Variants in PLEKHA5 observed in about 807,000 individuals in gnomAD.
PLEKHA5 encodes the protein pleckstrin homology domain-containing family A member 5.
A neutral mutation model predicts 181.9 loss-of-function variants in PLEKHA5; 55 were observed. That is an observed-to-expected ratio of 0.30 (90% confidence interval 0.24 to 0.38). PLEKHA5 has a LOEUF of 0.38. Ranked by LOEUF, PLEKHA5 falls within the 10% of genes least tolerant of loss-of-function variation. The pLI is 1.00. For missense variants in PLEKHA5, 1,432 were observed against 1,549.5 expected (o/e 0.92, Z 1.27); for synonymous variants, 535 against 529.4 (o/e 1.01, Z -0.15).
At chr12:19,317,381 G>A (rs943759234) in intron 16 of PLEKHA5, among the ~76,000 whole-genome samples, 8 of 147,492 alleles carry the variant, frequency 5.4e-5, no homozygotes, top group African/African-American at 2.0e-4. Flanking sequence ...TAAGCATTCT[G>A]TATTCTACAC....
In PLEKHA5 at chr12:19,366,066, C is replaced by T. The variant is rs61733932; in HGVS notation, c.3711C>T (p.Tyr1237=). 1.2e-3 allele frequency: 1,970 copies of T among 1,611,780 alleles called. 24 individuals carry two copies. In the African/African-American group the frequency reaches 0.023, roughly 19 times the overall value. ...AACAGGAAGAAACTGTTATTTCTTA[C>T]GAATCAACTCCTGAGGTTTCTAGAG... ...VDEQEETVIS[Y]ESTPEVSRGN... The change falls in exon 30 of 32, where the codon TAC becomes TAT. Residue 1237 remains tyrosine, a synonymous_variant. Coordinates refer to ENST00000429027, the MANE Select transcript of PLEKHA5 (RefSeq NM_001256470.2).
At chr12:19,160,324 T>C (rs1465265024) in intron 3 of PLEKHA5, among the ~76,000 whole-genome samples, 1 of 152,078 alleles carries the variant, frequency 6.6e-6, no homozygotes, top group Admixed American at 6.5e-5. Flanking sequence ...TATGAAATTA[T>C]ACCTTGGGTC....
At chr12:19,149,072 C>G (rs1043989635) in intron 3 of PLEKHA5, among the ~76,000 whole-genome samples, 1 of 152,158 alleles carries the variant, frequency 6.6e-6, no homozygotes, top group African/African-American at 2.4e-5. Context: ...AGCCTCATTA[C>G]AGAAGATGAC....
At position 19,274,937 on chromosome 12, in the gene PLEKHA5, T is replaced by G; in HGVS notation, c.1267T>G (p.Trp423Gly). The G allele has an allele frequency of 6.2e-7, 1 of 1,612,744 alleles. No individual in the cohort carries two copies. Among genetic ancestry groups the G allele is most frequent in the Non-Finnish European group, 8.5e-7 (1 of 1,179,968 alleles). ...RTNSMQQLEQ[W>G]IKIQKGRGHE... is the part of the protein sequence containing the mutation. The stretch of plus-strand genomic sequence containing the variant: ...AAATTCAATGCAGCAGTTGGAACAG[T>G]GGATTAAAATCCAGAAGGGGAGGGG... Residue 423 changes from tryptophan (W) to glycine (G), a missense_variant, in exon 11 of 32, where the codon TGG becomes GGG. Transcript: ENST00000429027.
intron 3 of PLEKHA5, among the ~76,000 whole-genome samples, chr12:19,212,000 AT>A (rs1409460213): frequency 6.6e-6 from 1 of 152,216 alleles, no homozygotes. Context: ...GAACTTCAGC[AT>A]GAGTAACTCC....
intron 3 of PLEKHA5, among the ~76,000 whole-genome samples, chr12:19,203,431 G>T (rs372741449): frequency 6.6e-6 from 1 of 151,812 alleles, no homozygotes; most frequent in East Asian, 1.9e-4. Context: ...TCTAGTATTC[G>T]CATTGTCAAT....
At position 19,369,715 on chromosome 12, in the gene PLEKHA5, T is replaced by G. The variant is rs200523362; in HGVS notation, c.3777T>G (p.Pro1259=). The stretch of plus-strand genomic sequence containing the variant: ...TAGTGAAAAGTCTGTCCCCATCTCC[T>G]GAGTCCTCGGCATCGCCAGTTCCAT... ...TMAVKSLSPS[P]ESSASPVPST... is the part of the protein sequence containing the mutation. The change falls in exon 31 of 32, where the codon CCT becomes CCG. Residue 1259 remains proline, a synonymous_variant. Coordinates refer to ENST00000429027, the MANE Select transcript of PLEKHA5 (RefSeq NM_001256470.2). The G allele has an allele frequency of 1.8e-4, 298 of 1,611,668 alleles. No homozygotes were observed. In the East Asian group the frequency reaches 4.0e-3, roughly 22 times the overall value.
chr12:19,369,938 GA>G, intron 31 of PLEKHA5, 140 bp downstream of exon 31: 1 of 460,432 alleles, frequency 2.2e-6, no homozygotes. Context: ...GCATATCTTG[GA>G]ACCAGGGTTG....
At chr12:19,150,002 G>A (rs752256602) in intron 3 of PLEKHA5, 1 of 152,256 alleles carries the variant, frequency 6.6e-6, no homozygotes, top group Non-Finnish European at 1.5e-5. Flanking sequence ...AGAGGTGGAA[G>A]ATGGAGGCAT....
intron 3 of PLEKHA5, chr12:19,205,495 C>G (rs1012229337): frequency 5.3e-5 from 19 of 357,322 alleles, no homozygotes; most frequent in African/African-American, 4.2e-4. Flanking sequence ...TCAGTTATTC[C>G]TAGCTAGTCT....
At chr12:19,293,178 A>G (rs919736387) in intron 15 of PLEKHA5, among the ~76,000 whole-genome samples, 2 of 152,196 alleles carry the variant, frequency 1.3e-5, no homozygotes, top group African/African-American at 4.8e-5. Flanking sequence ...TTTCATATTT[A>G]TATTTGCCTG....
chr12:19,337,548 CAAAAAAAA>C (rs1157232818), intron 21 of PLEKHA5, among the ~76,000 whole-genome samples: 1 of 61,688 alleles, frequency 1.6e-5, no homozygotes, highest in Non-Finnish European at 3.4e-5. Flanking sequence ...GACTCTATCT[CAAAAAAAA>C]AAAAAAAAAA....
At chr12:19,314,677 A>T in intron 15 of PLEKHA5, 137 bp from the exon 16 acceptor site, 2 of 676,602 alleles carry the variant, frequency 3.0e-6, no homozygotes, top group Non-Finnish European at 5.5e-6. Flanking sequence ...TTAAATCTGT[A>T]CAACCATGGG....
intron 15 of PLEKHA5, among the ~76,000 whole-genome samples, chr12:19,300,151 C>T (rs1034375741): frequency 2.6e-5 from 4 of 152,168 alleles, no homozygotes; most frequent in African/African-American, 9.7e-5. Context: ...ACCTTTATCC[C>T]CATTAAATCA....
intron 3 of PLEKHA5, among the ~76,000 whole-genome samples, chr12:19,164,053 T>C (rs1191448151): frequency 6.6e-6 from 1 of 152,196 alleles, no homozygotes; most frequent in African/African-American, 2.4e-5. Context: ...CTCTTTAGGA[T>C]GTTACTTGGG....
At chr12:19,339,675 G>A (rs970077137) in intron 21 of PLEKHA5, among the ~76,000 whole-genome samples, 3 of 151,704 alleles carry the variant, frequency 2.0e-5, no homozygotes, top group Non-Finnish European at 4.4e-5. Flanking sequence ...AAAACCACAA[G>A]TAGTTAAGAC....
At position 19,253,064 on chromosome 12, in the gene PLEKHA5, C is replaced by CTTTTT. The variant is rs35536570; in HGVS notation, c.228-854_228-850dup. 4.2e-3 allele frequency among the ~76,000 whole-genome samples: 192 copies of CTTTTT among 45,866 alleles called. 48 individuals carry two copies. The highest frequency in any genetic ancestry group is 6.7e-3 in the Non-Finnish European group (147 of 21,898). The allele number at this position is 45,866 out of a possible 152,430, so 30.1% of individuals were successfully genotyped here. On this transcript the variant is annotated intron_variant, in intron 3 of 31. Coordinates refer to ENST00000429027, the MANE Select transcript of PLEKHA5 (RefSeq NM_001256470.2). ...GAGCTAAACAGCCAAATCAACTTAC[C>CTTTTT]TTTTTTTTTTTTTTTTTTTTTTTTT...
chr12:19,306,550 C>G (rs1261533645), intron 15 of PLEKHA5: 1 of 757,974 alleles, frequency 1.3e-6, no homozygotes, highest in Admixed American at 1.7e-5. Context: ...GCGCCGTGAG[C>G]AACACTACCA....
intron 21 of PLEKHA5, among the ~76,000 whole-genome samples, chr12:19,340,815 C>T (rs1483356366): frequency 6.7e-6 from 1 of 150,062 alleles, no homozygotes; most frequent in Non-Finnish European, 1.5e-5. Flanking sequence ...TCAAACACTG[C>T]GGAAGGCCGC....
Sources: gnomAD v4.1 joint callset for allele counts (sites outside exome capture counted in the v4.1 genomes callset) on GRCh38, gnomAD v4.1.1 for gene constraint, MANE v1.5 for transcripts, NCBI Gene and HGNC (gene_info 2026-07-23, HGNC 2026-07-21) for gene names.